The following PPM1H variants were observed in gnomAD, a reference collection of about 807,000 sequenced individuals.
PPM1H encodes the protein protein phosphatase 1H.
Under a neutral mutation model 54.9 loss-of-function variants are expected in PPM1H, and 27 were observed. The observed-to-expected ratio is 0.49, with a 90% confidence interval of 0.36 to 0.68. The LOEUF is 0.68. Ranked by LOEUF, PPM1H falls within the 30% of genes least tolerant of loss-of-function variation. PPM1H has a pLI of 0.00. For synonymous variants in PPM1H, 305 were observed against 270.8 expected, an observed-to-expected ratio of 1.13 and a Z score of -1.24; for missense variants, 596 against 667.8, an observed-to-expected ratio of 0.89 and a Z score of 1.19.
At chr12:62,921,417 T>C (rs1230175705) in intron 1 of PPM1H, among the ~76,000 whole-genome samples, 2 of 152,172 alleles carry the variant, frequency 1.3e-5, no homozygotes, top group African/African-American at 4.8e-5. Context: ...AATTGATCTG[T>C]CTGCCCACAT....
chr12:62,665,219 T>C (rs2075911010), intron 9 of PPM1H, among the ~76,000 whole-genome samples: 1 of 152,160 alleles, frequency 6.6e-6, no homozygotes, highest in Non-Finnish European at 1.5e-5. Flanking sequence ...GGCTAATTTT[T>C]GTATTTTTAG....
intron 4 of PPM1H, among the ~76,000 whole-genome samples, chr12:62,771,513 T>C (rs960859613): frequency 2.0e-5 from 3 of 152,144 alleles, no homozygotes; most frequent in African/African-American, 7.2e-5. Context: ...GTTCACCACA[T>C]GCTTTTACAT....
intron 8 of PPM1H, among the ~76,000 whole-genome samples, chr12:62,668,319 G>A (rs2075932259): frequency 6.6e-6 from 1 of 152,150 alleles, no homozygotes; most frequent in Non-Finnish European, 1.5e-5. Context: ...CTCATGAACT[G>A]AGAAGAAAAG....
intron 2 of PPM1H, among the ~76,000 whole-genome samples, chr12:62,830,305 G>A (rs1056853835): frequency 2.0e-5 from 3 of 151,918 alleles, no homozygotes; most frequent in South Asian, 2.1e-4. Context: ...ACCCAGGCTG[G>A]AGTGCAGTGG....
rs114160488 is a variant in PPM1H, at chr12:62,736,149, G to A, written c.954+1353C>T. On this transcript the variant is annotated intron_variant, in intron 5 of 9. Transcript: ENST00000228705. ...TGGAGAAAGCCAGACAGGTGGCAGA[G>A]AGGCTAGCTATAACGAATTCTACTT... 4.1e-3 allele frequency among the ~76,000 whole-genome samples: 622 copies of A among 152,360 alleles called. 5 individuals are homozygous for A. The highest frequency in any genetic ancestry group is 0.014 in the African/African-American group (598 of 41,576).
At chr12:62,926,823 G>T (rs1019938005) in intron 1 of PPM1H, among the ~76,000 whole-genome samples, 12 of 152,048 alleles carry the variant, frequency 7.9e-5, no homozygotes, top group African/African-American at 2.9e-4. Context: ...GCATGGTGGC[G>T]CATGCCTGTA....
intron 3 of PPM1H, among the ~76,000 whole-genome samples, chr12:62,794,177 G>A (rs1205504443): frequency 6.6e-6 from 1 of 152,100 alleles, no homozygotes; most frequent in African/African-American, 2.4e-5. Context: ...GGCTGCTGGT[G>A]GAATCACATG....
intron 8 of PPM1H, among the ~76,000 whole-genome samples, chr12:62,687,275 A>G (rs1478365571): frequency 3.9e-5 from 6 of 151,918 alleles, no homozygotes; most frequent in Non-Finnish European, 8.8e-5. Flanking sequence ...TATTATTACT[A>G]TTGTTTTTTT....
chr12:62,815,494 G>A (rs1350476498), intron 2 of PPM1H, among the ~76,000 whole-genome samples: 1 of 152,144 alleles, frequency 6.6e-6, no homozygotes, highest in African/African-American at 2.4e-5. Context: ...ATCAACTCGA[G>A]AATATTCTTA....
rs567464958 is a variant in PPM1H, at chr12:62,773,013, T to G, written c.869+15213A>C. Among the ~76,000 whole-genome samples, 181 of 152,170 alleles carry G rather than the reference T, an allele frequency of 1.2e-3. 1 individual carries two copies. The highest frequency in any genetic ancestry group is 4.1e-3 in the African/African-American group (172 of 41,522). ...AAATACAAAAATTAGCTGGGCATGG[T>G]GGCGCGCGCTTGTAGTTCCAGCTAC... On this transcript the variant is annotated intron_variant, in intron 4 of 9. Transcript: ENST00000228705.
intron 1 of PPM1H, among the ~76,000 whole-genome samples, chr12:62,906,504 C>T (rs1211066242): frequency 6.6e-6 from 1 of 152,152 alleles, no homozygotes; most frequent in Non-Finnish European, 1.5e-5. Flanking sequence ...ATTTTAGATA[C>T]AAATTTAATA....
intron 9 of PPM1H, chr12:62,658,848 C>T (rs1360660206): frequency 3.5e-6 from 2 of 575,214 alleles, no homozygotes; most frequent in African/African-American, 3.7e-5. Flanking sequence ...CTTGTGGAGC[C>T]CAAGATTGTC....
chr12:62,680,753 G>A (rs1447286049), intron 8 of PPM1H, among the ~76,000 whole-genome samples: 1 of 152,180 alleles, frequency 6.6e-6, no homozygotes, highest in Non-Finnish European at 1.5e-5. Flanking sequence ...ACAGAACTAT[G>A]AAAGAGAATC....
Position 62,770,344 on chromosome 12 carries a change from G to A in PPM1H, c.869+17882C>T, listed in dbSNP as rs751242631. Reference sequence around the variant, plus strand: ...TCCCTGATAAGGAAGGCACAGAGAGGTTAGGCATTTTGTTCAAGGTCCCAC... The same window carrying A: ...TCCCTGATAAGGAAGGCACAGAGAGATTAGGCATTTTGTTCAAGGTCCCAC... On this transcript the variant is annotated intron_variant, in intron 4 of 9. Coordinates refer to ENST00000228705, the MANE Select transcript of PPM1H (RefSeq NM_020700.2). Among the ~76,000 whole-genome samples the A allele has an allele frequency of 1.3e-5, 2 of 152,004 alleles. 1 individual carries two copies. The highest frequency in any genetic ancestry group is 4.1e-4 in the South Asian group (2 of 4,824).
At chr12:62,760,541 C>T (rs550968823) in intron 4 of PPM1H, among the ~76,000 whole-genome samples, 2 of 152,286 alleles carry the variant, frequency 1.3e-5, no homozygotes, top group East Asian at 3.9e-4. Flanking sequence ...TTTCATTCTG[C>T]AACTAGCTCT....
At chr12:62,847,840 GA>G (rs957647060) in intron 1 of PPM1H, among the ~76,000 whole-genome samples, 12 of 149,330 alleles carry the variant, frequency 8.0e-5, no homozygotes, top group African/African-American at 2.7e-4. Flanking sequence ...TCTAGCAACT[GA>G]AAAAAAAACA....
chr12:62,652,472 T>C (rs903467326), intron 9 of PPM1H, among the ~76,000 whole-genome samples: 2 of 152,250 alleles, frequency 1.3e-5, no homozygotes, highest in Non-Finnish European at 2.9e-5. Flanking sequence ...TTTTGTTTAT[T>C]GCAAAAACTG....
chr12:62,930,288 C>G (rs2121191122), intron 1 of PPM1H, among the ~76,000 whole-genome samples: 1 of 152,282 alleles, frequency 6.6e-6, no homozygotes, highest in South Asian at 2.1e-4. Flanking sequence ...AACAGACACT[C>G]TCAAAGTAGC....
chr12:62,725,651 A>G (rs1262835812), intron 5 of PPM1H, among the ~76,000 whole-genome samples: 1 of 152,192 alleles, frequency 6.6e-6, no homozygotes, highest in Non-Finnish European at 1.5e-5. Context: ...TATATTAAAT[A>G]GATTTGTATG....
Sources: allele counts gnomAD v4.1 joint callset (sites outside exome capture counted in the v4.1 genomes callset), GRCh38; gene constraint gnomAD v4.1.1; transcripts MANE v1.5; gene names NCBI Gene and HGNC (gene_info 2026-07-23, HGNC 2026-07-21).